PPP2R5E: variants seen among roughly 807,000 people sequenced by gnomAD.
The protein encoded by PPP2R5E is protein phosphatase 2 regulatory subunit B'epsilon, also known as serine/threonine-protein phosphatase 2A 56 kDa regulatory subunit epsilon isoform.
A neutral mutation model predicts 65.3 loss-of-function variants in PPP2R5E; 4 were observed. That is an observed-to-expected ratio of 0.06 (90% CI 0.03 to 0.14). The LOEUF is 0.14. PPP2R5E is among the 10% of genes least tolerant of loss of function. The pLI, the probability that PPP2R5E is intolerant of heterozygous loss-of-function variation, is 1.00. For missense variants in PPP2R5E, 274 were observed against 556.1 expected (o/e 0.49, Z 5.10); for synonymous variants, 183 against 187.4 (o/e 0.98, Z 0.19).
At chr14:63,428,207 T>C (rs1566694595) in intron 3 of PPP2R5E, among the ~76,000 whole-genome samples, 1 of 152,186 alleles carries the variant, frequency 6.6e-6, no homozygotes, top group Non-Finnish European at 1.5e-5. Flanking sequence ...TCCGGTACTC[T>C]CTTCCTCACA....
chr14:63,403,654 T>G (rs74582396), intron 5 of PPP2R5E, among the ~76,000 whole-genome samples: 1 of 149,576 alleles, frequency 6.7e-6, no homozygotes, highest in South Asian at 2.1e-4. Flanking sequence ...AAAAAAAAAG[T>G]AACTGATAGA....
chr14:63,479,950 C>T (rs1447524173), intron 2 of PPP2R5E, among the ~76,000 whole-genome samples: 1 of 152,178 alleles, frequency 6.6e-6, no homozygotes, highest in Non-Finnish European at 1.5e-5. Context: ...AATTTGAATG[C>T]ATACATAGTA....
intron 3 of PPP2R5E, among the ~76,000 whole-genome samples, chr14:63,449,660 C>T (rs952450618): frequency 6.6e-6 from 1 of 151,960 alleles, no homozygotes; most frequent in African/African-American, 2.4e-5. Context: ...AACAAAAGCA[C>T]AAGCATGTTA....
Position 63,374,636 on chromosome 14 carries a change from TATATATATATATATA to T in PPP2R5E, c.*1358_*1372del, listed in dbSNP as rs1883880151. On this transcript the variant is annotated 3_prime_UTR_variant, in exon 14 of 14. Transcript: ENST00000337537. ...AATACAAAGCAGAGAGCCAATAAGA[TATATATATATATATA>T]TATATATATATATATATAAAATACA... 2.4e-5 allele frequency: 1 copy of T among 42,142 alleles called. No individual in the cohort carries two copies. The highest frequency in any genetic ancestry group is 6.4e-5 in the African/African-American group (1 of 15,610). 2.6% of individuals were successfully genotyped at this position (42,142 alleles called of 1,614,324 possible).
In PPP2R5E at chr14:63,531,489, A is replaced by AAAGAAAAAAG. The variant is rs150016218; in HGVS notation, c.157+8039_157+8040insCTTTTTTCTT. Among the ~76,000 whole-genome samples, 5 of 151,776 alleles carry AAAGAAAAAAG rather than the reference A, an allele frequency of 3.3e-5. No homozygotes were observed. In the East Asian group the frequency reaches 9.7e-4, roughly 29 times the overall value. ...TAATAATAATAAAATTAAAAAGAAA[A>AAAGAAAAAAG]AAAAAAATAACATAGTTTGGCACTT... On this transcript the variant is annotated intron_variant, in intron 2 of 13. Transcript: ENST00000337537.
At position 63,376,101 on chromosome 14, in the gene PPP2R5E, T is replaced by G; in HGVS notation, c.1312A>C (p.Lys438Gln). 6.3e-7 allele frequency: 1 copy of G among 1,595,574 alleles called. No individual in the cohort carries two copies. Among genetic ancestry groups the G allele is most frequent in the Non-Finnish European group, 8.6e-7 (1 of 1,163,430 alleles). The change falls in exon 14 of 14, where the codon AAG becomes CAG. Residue 438 changes from lysine to glutamine, a missense_variant. This residue lies in a region of PPP2R5E where 129 missense variants were observed against 254.9 expected (regional missense o/e 0.51). Transcript: ENST00000337537. ...AATTCTTCACGCTCCTTTTCTTTCT[T>G]TTTCTCACTGAGGAAGAAACAGAAT... Reference protein sequence around the residue: ...TYKSDRQREKKKEKEREELWK... With the variant: ...TYKSDRQREKQKEKEREELWK...
chr14:63,480,666 G>T (rs948346263), intron 2 of PPP2R5E, among the ~76,000 whole-genome samples: 1 of 152,028 alleles, frequency 6.6e-6, no homozygotes, highest in Admixed American at 6.6e-5. Flanking sequence ...GGCTGGTCTC[G>T]AACTCCTAGT....
At chr14:63,502,820 T>C (rs550146541) in intron 2 of PPP2R5E, among the ~76,000 whole-genome samples, 309 of 152,292 alleles carry the variant, frequency 2.0e-3, no homozygotes, top group Middle Eastern at 3.4e-3. Context: ...TGAAAGCTCA[T>C]GAAATATAGT....
intron 3 of PPP2R5E, among the ~76,000 whole-genome samples, chr14:63,429,189 T>C (rs1887493638): frequency 6.6e-6 from 1 of 152,216 alleles, no homozygotes; most frequent in South Asian, 2.1e-4. Flanking sequence ...TGATTTAGAA[T>C]GTATTTTCTA....
At chr14:63,383,190 C>T (rs1439377316) in intron 12 of PPP2R5E, among the ~76,000 whole-genome samples, 1 of 152,226 alleles carries the variant, frequency 6.6e-6, no homozygotes, top group Admixed American at 6.5e-5. Context: ...TTGATAGCTT[C>T]AGACTAGAGT....
chr14:63,524,250 T>G (rs1461552251), intron 2 of PPP2R5E, among the ~76,000 whole-genome samples: 1 of 152,220 alleles, frequency 6.6e-6, no homozygotes, highest in African/African-American at 2.4e-5. Context: ...ACATAACGGA[T>G]GAACTTTTGC....
chr14:63,485,755 A>G lies in PPP2R5E; in HGVS notation c.158-31870T>C, dbSNP rs545539623. ...AGGTAGAGAAAAATAAAAGTCTGCA[A>G]GTGTTTTCACTTCTAGTAATTCATA... is the stretch of plus-strand genomic sequence containing the variant. On this transcript the variant is annotated intron_variant, in intron 2 of 13. Coordinates refer to ENST00000337537, the MANE Select transcript of PPP2R5E (RefSeq NM_006246.5). 1.3e-4 allele frequency among the ~76,000 whole-genome samples: 20 copies of G among 151,812 alleles called. No individual in the cohort carries two copies. In the East Asian group the frequency reaches 3.1e-3, roughly 24 times the overall value.
At chr14:63,528,747 AGG>A (rs1893287273) in intron 2 of PPP2R5E, among the ~76,000 whole-genome samples, 1 of 152,226 alleles carries the variant, frequency 6.6e-6, no homozygotes, top group African/African-American at 2.4e-5. Context: ...ATATTTATGA[AGG>A]AAAAATAAAT....
rs1888407212 is a variant in PPP2R5E at position 63,445,060 on chromosome 14, C to T, written c.354+8629G>A. On this transcript the variant is annotated intron_variant, in intron 3 of 13. Transcript: ENST00000337537. ...AGATGTAAGGGATTCATCATCAACT[C>T]CCTCTATTTATAACAGAAGAAACTG... Among the ~76,000 whole-genome samples the T allele has an allele frequency of 4.6e-5, 7 of 152,298 alleles. No homozygotes were observed. In the South Asian group the frequency reaches 1.5e-3, roughly 32 times the overall value.
At chr14:63,508,334 A>AAAG in intron 2 of PPP2R5E, 1 of 499,186 alleles carries the variant, frequency 2.0e-6, no homozygotes, top group Non-Finnish European at 2.6e-6. Context: ...CTCACAAAAC[A>AAAG]ACTGCATATA....
intron 3 of PPP2R5E, among the ~76,000 whole-genome samples, chr14:63,440,547 C>T (rs960973614): frequency 6.6e-6 from 1 of 151,940 alleles, no homozygotes; most frequent in African/African-American, 2.4e-5. Context: ...AAGAAACAAA[C>T]ATAGCACAGA....
At chr14:63,388,034 A>AT (rs1222407158) in intron 11 of PPP2R5E, among the ~76,000 whole-genome samples, 1 of 152,028 alleles carries the variant, frequency 6.6e-6, no homozygotes, top group East Asian at 1.9e-4. Flanking sequence ...CAGTCTTGTT[A>AT]TGGCAGCCCA....
intron 3 of PPP2R5E, among the ~76,000 whole-genome samples, chr14:63,449,717 T>TC (rs1266186347): frequency 1.3e-4 from 10 of 78,964 alleles, no homozygotes; most frequent in Non-Finnish European, 4.7e-5. Context: ...ATGGCTACCC[T>TC]CCCCCCACCC....
intron 3 of PPP2R5E, among the ~76,000 whole-genome samples, 189 bp from the exon 4 acceptor site, chr14:63,422,283 C>G (rs1034445053): frequency 1.3e-5 from 2 of 152,180 alleles, no homozygotes; most frequent in African/African-American, 4.8e-5. Context: ...AGTAGCAAAG[C>G]AGCACCATCC....
Sources: gnomAD v4.1 joint callset for allele counts (sites outside exome capture counted in the v4.1 genomes callset) on GRCh38, gnomAD v4.1.1 for gene constraint, gnomAD v4.1.1 regional missense constraint, MANE v1.5 for transcripts, NCBI Gene and HGNC (gene_info 2026-07-23, HGNC 2026-07-21) for gene names.